The following CLSTN2 variants were observed in gnomAD, a reference collection of about 807,000 sequenced individuals.
The protein encoded by CLSTN2 is calsyntenin 2.
CLSTN2 carries 48 observed loss-of-function variants against 101.2 expected under a neutral mutation model. That is an observed-to-expected ratio of 0.47 (90% CI 0.38 to 0.60). CLSTN2 has a LOEUF of 0.60. Among genes scored for constraint, CLSTN2 ranks in the 20% least tolerant of loss-of-function variants. The pLI, the probability that CLSTN2 is intolerant of heterozygous loss-of-function variation, is 0.00. For missense variants in CLSTN2, 1,160 were observed against 1,238.2 expected (o/e 0.94, Z 0.95); for synonymous variants, 481 against 463.6 (o/e 1.04, Z -0.48).
intron 2 of CLSTN2, among the ~76,000 whole-genome samples, chr3:140,388,253 A>G (rs1444255874): frequency 6.6e-6 from 1 of 152,254 alleles, no homozygotes; most frequent in Non-Finnish European, 1.5e-5. Context: ...CTGACTGTAA[A>G]TAATGAAAAT....
chr3:140,076,700 C>T (rs1164383909), intron 1 of CLSTN2, among the ~76,000 whole-genome samples: 7 of 144,680 alleles, frequency 4.8e-5, no homozygotes, highest in Non-Finnish European at 1.0e-4. Context: ...CCCTGGCCAC[C>T]CTGGGTCACA....
At chr3:140,215,247 C>A (rs2010905876) in intron 2 of CLSTN2, among the ~76,000 whole-genome samples, 1 of 152,148 alleles carries the variant, frequency 6.6e-6, no homozygotes, top group African/African-American at 2.4e-5. Context: ...CCCTCTCTTC[C>A]TCTTCAATCC....
At chr3:139,946,416 C>T (rs1006730528) in intron 1 of CLSTN2, among the ~76,000 whole-genome samples, 7 of 152,176 alleles carry the variant, frequency 4.6e-5, no homozygotes, top group African/African-American at 1.7e-4. Flanking sequence ...GGTGGCCAGA[C>T]CTTAGTGCCC....
At chr3:140,448,923 G>A (rs1365637062) in intron 6 of CLSTN2, among the ~76,000 whole-genome samples, 1 of 152,154 alleles carries the variant, frequency 6.6e-6, no homozygotes, top group Non-Finnish European at 1.5e-5. Context: ...TAGTTATGTG[G>A]CCTTGGGCAA....
At chr3:140,442,322 A>T (rs1277826012) in intron 5 of CLSTN2, among the ~76,000 whole-genome samples, 5 of 152,120 alleles carry the variant, frequency 3.3e-5, no homozygotes, top group Non-Finnish European at 7.4e-5. Context: ...GGTACCAGAC[A>T]ACTACGTCCA....
At chr3:140,132,503 G>A (rs781616951) in intron 1 of CLSTN2, among the ~76,000 whole-genome samples, 1 of 152,120 alleles carries the variant, frequency 6.6e-6, no homozygotes, top group Non-Finnish European at 1.5e-5. Flanking sequence ...GGGCTTTAGT[G>A]GACCCAATTT....
intron 1 of CLSTN2, among the ~76,000 whole-genome samples, chr3:140,127,010 CATT>C (rs1239803064): frequency 7.2e-5 from 9 of 124,842 alleles, no homozygotes; most frequent in South Asian, 2.7e-4. Flanking sequence ...CACTATGTGT[CATT>C]ATATGTGTCA....
chr3:140,154,366 T>C (rs539364842), intron 1 of CLSTN2, among the ~76,000 whole-genome samples: 1 of 151,540 alleles, frequency 6.6e-6, no homozygotes, highest in African/African-American at 2.4e-5. Flanking sequence ...TGACTGGGGG[T>C]GAGGGAAGGT....
rs115613218 is a variant in CLSTN2, at chr3:139,935,878, G to T, written c.109+395G>T. ...CCTGCCTGGGGGAAGGATCAGCGGC[G>T]GTGCTTTCAAGGAGGGAGCCGAGCT... On this transcript the variant is annotated intron_variant, in intron 1 of 16. Transcript: ENST00000458420. This position sits in a 1 kb window ranked among gnomAD's most constrained non-coding sequence, Gnocchi z 5.5. 0.034 allele frequency among the ~76,000 whole-genome samples: 5,104 copies of T among 152,160 alleles called. 304 individuals carry two copies. The highest frequency in any genetic ancestry group is 0.12 in the African/African-American group (4,861 of 41,524).
chr3:140,009,464 T>C (rs1202545183), intron 1 of CLSTN2, among the ~76,000 whole-genome samples: 1 of 152,206 alleles, frequency 6.6e-6, no homozygotes, highest in African/African-American at 2.4e-5. Flanking sequence ...ATTAATCTGT[T>C]CAGATATATT....
chr3:140,017,667 T>C (rs1304772975), intron 1 of CLSTN2, among the ~76,000 whole-genome samples: 1 of 152,104 alleles, frequency 6.6e-6, no homozygotes. Flanking sequence ...CTTTGGATGG[T>C]TGGGGTGGAG....
chr3:140,330,449 G>A (rs1468717054), intron 2 of CLSTN2, among the ~76,000 whole-genome samples: 2 of 152,186 alleles, frequency 1.3e-5, no homozygotes, highest in Admixed American at 6.5e-5. Context: ...TGCATTTTAT[G>A]TGTTTATTCA....
At chr3:139,953,401 C>T (rs1479222848) in intron 1 of CLSTN2, among the ~76,000 whole-genome samples, 1 of 152,124 alleles carries the variant, frequency 6.6e-6, no homozygotes. Flanking sequence ...CCCTGAACCT[C>T]TAGGGAAGAG....
intron 1 of CLSTN2, among the ~76,000 whole-genome samples, chr3:140,056,511 T>TC (rs1445912358): frequency 1.3e-5 from 2 of 152,156 alleles, no homozygotes; most frequent in Non-Finnish European, 2.9e-5. Context: ...GAACTCTGTA[T>TC]CCTCAGCCTG....
chr3:140,452,782 A>T (rs1394428839), intron 6 of CLSTN2: 2 of 152,236 alleles, frequency 1.3e-5, no homozygotes, highest in African/African-American at 4.8e-5. Flanking sequence ...TTTGTACAAA[A>T]AAAATGGAGG....
chr3:140,265,608 G>C (rs982356341), intron 2 of CLSTN2, among the ~76,000 whole-genome samples: 4 of 152,156 alleles, frequency 2.6e-5, no homozygotes, highest in African/African-American at 7.2e-5. Context: ...CTTTCCATCA[G>C]CATTGACTTT....
At chr3:140,424,167 T>C (rs2088536044) in intron 5 of CLSTN2, among the ~76,000 whole-genome samples, 1 of 152,120 alleles carries the variant, frequency 6.6e-6, no homozygotes, top group Non-Finnish European at 1.5e-5. Flanking sequence ...CCCCTTGCAA[T>C]TCCTTCCTGC....
chr3:139,946,262 A>G (rs1385903840), intron 1 of CLSTN2, among the ~76,000 whole-genome samples: 1 of 152,220 alleles, frequency 6.6e-6, no homozygotes, highest in East Asian at 1.9e-4. Flanking sequence ...GAAACCCTTA[A>G]CATGTCACTT....
At chr3:140,414,832 A>G (rs973395878) in intron 4 of CLSTN2, among the ~76,000 whole-genome samples, 48 of 152,240 alleles carry the variant, frequency 3.2e-4, no homozygotes, top group African/African-American at 8.9e-4. Context: ...TACAATCCTA[A>G]AATTCATATA....
Sources: gnomAD v4.1 joint callset for allele counts (sites outside exome capture counted in the v4.1 genomes callset) on GRCh38, gnomAD v4.1.1 for gene constraint, Gnocchi (gnomAD v3.1) non-coding constraint, MANE v1.5 for transcripts, NCBI Gene and HGNC (gene_info 2026-07-23, HGNC 2026-07-21) for gene names.